The following COQ8A variants were observed in gnomAD, a reference collection of about 807,000 sequenced individuals.
COQ8A encodes the protein coenzyme Q8A.
In COQ8A, 51 loss-of-function variants were observed where a neutral mutation model predicts 65.0. The ratio of observed to expected loss-of-function variants is 0.78; its 90% CI spans 0.63 to 0.99. The LOEUF is 0.99. COQ8A is among the 50% of genes least tolerant of loss of function. The pLI is 0.00. For synonymous variants in COQ8A, 371 were observed against 353.2 expected, an observed-to-expected ratio of 1.05 and a Z score of -0.57; for missense variants, 940 against 875.0, an observed-to-expected ratio of 1.07 and a Z score of -0.94.
chr1:226,985,845 G>A (rs1246703539), intron 14 of COQ8A, among the ~76,000 whole-genome samples: 3 of 152,210 alleles, frequency 2.0e-5, no homozygotes, highest in African/African-American at 7.2e-5. Flanking sequence ...TCATAGGAGT[G>A]TCATTTGAGG....
Position 226,986,808 on chromosome 1 carries a change from G to C in COQ8A, c.*71G>C. 6.4e-7 allele frequency: 1 copy of C among 1,552,930 alleles called. No homozygotes were observed. ...CAGACAGGCCAAAAACCAGTAGCGA[G>C]GTCGTGGTGATGCTCTTTTTAACTC... On this transcript the variant is annotated 3_prime_UTR_variant, in exon 15 of 15. Transcript: ENST00000366777.
rs1659749741 is a variant in COQ8A at position 226,982,309 on chromosome 1, G to T, written c.853+160G>T. The T allele has an allele frequency of 3.5e-6, 4 of 1,154,596 alleles. No homozygotes were observed. In the South Asian group the frequency reaches 6.3e-5, roughly 18 times the overall value. The allele number at this position is 1,154,596 out of a possible 1,614,324, so 71.5% of individuals were successfully genotyped here. Reference sequence around the variant, plus strand: ...TAATAGGCCTGGTCTCCAGACGGGTGGCTCTGGGTCCAAAGAAACACATGG... The same window carrying T: ...TAATAGGCCTGGTCTCCAGACGGGTTGCTCTGGGTCCAAAGAAACACATGG... On this transcript the variant is annotated intron_variant, in intron 6 of 14. Transcript: ENST00000366777.
At chr1:226,945,625 G>A (rs1656990231) in intron 1 of COQ8A, among the ~76,000 whole-genome samples, 1 of 152,220 alleles carries the variant, frequency 6.6e-6, no homozygotes, top group East Asian at 1.9e-4. Context: ...TTTACAGCCA[G>A]CATGTGGTCA....
chr1:226,983,428 T>G, intron 8 of COQ8A, 124 bp from the exon 9 acceptor site: 1 of 910,668 alleles, frequency 1.1e-6, no homozygotes, highest in South Asian at 1.4e-5. Flanking sequence ...TAGCTCTGGT[T>G]CTCCAGGGTG....
intron 1 of COQ8A, among the ~76,000 whole-genome samples, chr1:226,960,248 TG>T (rs1322880056): frequency 1.5e-5 from 2 of 135,576 alleles, no homozygotes; most frequent in Non-Finnish European, 3.2e-5. Context: ...TGGTGGTCCT[TG>T]GTGGTGGTGG....
chr1:226,967,811 C>T lies in COQ8A; in HGVS notation c.655+2074C>T, dbSNP rs139389288. On this transcript the variant is annotated intron_variant, in intron 4 of 14. Transcript: ENST00000366777. ...GGAGCCATCTGTGGGTGTCTGTGTG[C>T]TGGAGGATTGCCCACAGCTATGATT... Among the ~76,000 whole-genome samples the T allele has an allele frequency of 6.0e-3, 916 of 152,290 alleles. 10 individuals are homozygous for T. Among genetic ancestry groups the T allele is most frequent in the African/African-American group, 0.021 (862 of 41,548 alleles).
chr1:226,952,651 AT>A (rs769175237), intron 1 of COQ8A, among the ~76,000 whole-genome samples: 24 of 152,298 alleles, frequency 1.6e-4, no homozygotes, highest in East Asian at 1.2e-3. Context: ...GCTTCAAGCA[AT>A]CTTCCCACCT....
At position 226,983,488 on chromosome 1, in the gene COQ8A, T is replaced by C. The variant is rs955316376; in HGVS notation, c.1081-64T>C. On this transcript the variant is annotated intron_variant, in intron 8 of 14. Coordinates refer to ENST00000366777, the MANE Select transcript of COQ8A (RefSeq NM_020247.5). ...GGAAGCCAGTTGGGGGTTGGGGGAG[T>C]GCCCCAGGCAGGGCCCACCCGTCTC... 4.8e-6 allele frequency: 7 copies of C among 1,469,148 alleles called. No homozygotes were observed. The African/African-American group carries it at 8.4e-5, about 18-fold the overall frequency. 91.0% of individuals were successfully genotyped at this position (1,469,148 alleles called of 1,614,324 possible).
chr1:226,977,472 G>C lies in COQ8A; in HGVS notation c.679G>C (p.Gly227Arg), dbSNP rs199694417. Residue 227 changes from glycine to arginine, a missense_variant, in exon 5 of 15, where the codon GGG (glycine) becomes CGG (arginine). Physicochemically the swap from Gly to Arg is moderately radical, Grantham distance 125. Transcript: ENST00000366777. ...FGGLAVGLGF[G>R]ALAEVAKKSL... The stretch of plus-strand genomic sequence containing the variant: ...AGGTCTGGCCGTGGGCCTGGGCTTC[G>C]GGGCACTGGCAGAGGTCGCCAAGAA... 1.9e-6 allele frequency: 3 copies of C among 1,566,850 alleles called. No individual in the cohort carries two copies. The highest frequency in any genetic ancestry group is 3.8e-5 in the Admixed American group (2 of 52,214).
chr1:226,974,503 C>T (rs1480795704), intron 4 of COQ8A, among the ~76,000 whole-genome samples: 4 of 152,138 alleles, frequency 2.6e-5, no homozygotes, highest in South Asian at 2.1e-4. Flanking sequence ...TGGGGTCCCA[C>T]GAGGACCCGG....
chr1:226,984,833 T>C lies in COQ8A; in HGVS notation c.1507-43T>C, dbSNP rs529448015. On this transcript the variant is annotated intron_variant, in intron 12 of 14. Coordinates refer to ENST00000366777, the MANE Select transcript of COQ8A (RefSeq NM_020247.5). ...TTCCCGGCCCCACACACCCGCACCA[T>C]GGAGCACCAGGGCCAAACTTCTCCT... The C allele has an allele frequency of 8.1e-6, 13 of 1,605,642 alleles. No individual in the cohort carries two copies. In the South Asian group the frequency reaches 1.4e-4, roughly 18 times the overall value.
Position 226,984,038 on chromosome 1 carries a change from G to T in COQ8A, c.1257-56G>T, listed in dbSNP as rs1574185. 340,789 of 1,454,832 alleles carry T rather than the reference G, an allele frequency of 0.23. 36,878 individuals are homozygous for T. Among genetic ancestry groups the T allele is most frequent in the African/African-American group, 0.25 (17,341 of 70,650 alleles). 90.1% of individuals were successfully genotyped at this position (1,454,832 alleles called of 1,614,324 possible). ...TGCCTGGTTGGGGGGTGTGTGTGGG[G>T]GGGGGGACGGTGTGGAGGGCCTGTG... On this transcript the variant is annotated intron_variant, in intron 10 of 14. Transcript: ENST00000366777.
chr1:226,961,297 G>C (rs1658238820), intron 1 of COQ8A, 80 bp from the exon 2 acceptor site: 1 of 1,486,900 alleles, frequency 6.7e-7, no homozygotes, highest in African/African-American at 1.4e-5. Flanking sequence ...CTTCTGCTCA[G>C]AGTTTGGTGT....
At chr1:226,963,999 C>T (rs913737101) in intron 2 of COQ8A, among the ~76,000 whole-genome samples, 46 of 152,196 alleles carry the variant, frequency 3.0e-4, no homozygotes, top group Non-Finnish European at 5.9e-5. Context: ...GCCTGGTGAC[C>T]TTCACCAGCA....
intron 14 of COQ8A, among the ~76,000 whole-genome samples, chr1:226,986,110 C>T (rs1660092152): frequency 6.6e-6 from 1 of 152,190 alleles, no homozygotes; most frequent in South Asian, 2.1e-4. Context: ...CAGGCTCAGA[C>T]ACGCATGGTG....
chr1:226,956,221 G>C (rs1234065848), intron 1 of COQ8A, among the ~76,000 whole-genome samples: 36 of 58,002 alleles, frequency 6.2e-4, no homozygotes, highest in South Asian at 1.5e-3. Context: ...CTCCCTGGCT[G>C]CCACTCCCTG....
rs11549708 is a variant in COQ8A at position 226,961,502 on chromosome 1, G to A, written c.117G>A (p.Ala39=). ...HLGIGGELIM[A]ARALQSTAVE... The stretch of plus-strand genomic sequence containing the variant: ...GCATCGGAGGGGAGCTGATCATGGC[G>A]GCCAGGGCCCTGCAGTCCACGGCTG... Residue 39 remains alanine, a synonymous_variant, in exon 2 of 15, where the codon GCG becomes GCA. Coordinates refer to ENST00000366777, the MANE Select transcript of COQ8A (RefSeq NM_020247.5). 0.21 allele frequency: 344,791 copies of A among 1,613,802 alleles called. 41,430 individuals carry two copies. The highest frequency in any genetic ancestry group is 0.25 in the Non-Finnish European group (293,916 of 1,179,980).
chr1:226,944,296 C>T (rs1056832759), intron 1 of COQ8A, among the ~76,000 whole-genome samples: 2 of 151,946 alleles, frequency 1.3e-5, no homozygotes, highest in Admixed American at 6.6e-5. Flanking sequence ...GCACTCCATC[C>T]TTGGGAGATG....
intron 2 of COQ8A, among the ~76,000 whole-genome samples, chr1:226,963,271 C>T (rs1248654354): frequency 1.3e-5 from 2 of 149,772 alleles, no homozygotes; most frequent in African/African-American, 2.4e-5. Flanking sequence ...GCCCGCAGTG[C>T]GCTGCCATTC....
Sources: allele counts gnomAD v4.1 joint callset (sites outside exome capture counted in the v4.1 genomes callset), GRCh38; gene constraint gnomAD v4.1.1; transcripts MANE v1.5; gene names NCBI Gene and HGNC (gene_info 2026-07-23, HGNC 2026-07-21).